Variants in RIMS1 observed in about 807,000 individuals in gnomAD.
RIMS1 encodes regulating synaptic membrane exocytosis protein 1.
A neutral mutation model predicts 214.1 loss-of-function variants in RIMS1; 83 were observed. The observed-to-expected ratio is 0.39, with a 90% CI of 0.32 to 0.47. The LOEUF (loss-of-function observed/expected upper bound fraction) is 0.47, where lower values mean the gene tolerates loss of function less well. RIMS1 is among the 20% of genes least tolerant of loss of function. RIMS1 has a pLI of 0.99. For synonymous variants in RIMS1, 793 were observed against 786.8 expected (o/e 1.01, Z -0.13); for missense variants, 2,050 against 2,161.8 (o/e 0.95, Z 1.03).
At chr6:71,937,747 C>T (rs1161711918) in intron 1 of RIMS1, among the ~76,000 whole-genome samples, 1 of 152,120 alleles carries the variant, frequency 6.6e-6, no homozygotes, top group Non-Finnish European at 1.5e-5. Context: ...TTAAAGGTCC[C>T]ACCTCTTAAT....
intron 1 of RIMS1, among the ~76,000 whole-genome samples, chr6:71,939,462 A>C (rs977841668): frequency 2.0e-5 from 3 of 152,212 alleles, no homozygotes; most frequent in African/African-American, 7.2e-5. Context: ...GCCCTCTTCC[A>C]GTACCAATTT....
At chr6:72,169,731 C>A (rs1002579467) in intron 4 of RIMS1, among the ~76,000 whole-genome samples, 5 of 152,066 alleles carry the variant, frequency 3.3e-5, no homozygotes, top group African/African-American at 1.2e-4. Flanking sequence ...TGGTGAAAGC[C>A]TGTCTCTACC....
intron 15 of RIMS1, among the ~76,000 whole-genome samples, chr6:72,252,110 T>A (rs1210933500): frequency 6.6e-6 from 1 of 152,182 alleles, no homozygotes; most frequent in African/African-American, 2.4e-5. Context: ...GAAAAGCTAT[T>A]TTTTTCTGTA....
At chr6:72,110,679 T>G (rs900975097) in intron 4 of RIMS1, among the ~76,000 whole-genome samples, 1 of 151,518 alleles carries the variant, frequency 6.6e-6, no homozygotes, top group Admixed American at 6.6e-5. Context: ...CTTTTCCTAA[T>G]TGAATACCCT....
intron 2 of RIMS1, among the ~76,000 whole-genome samples, chr6:71,978,846 GA>G (rs999124073): frequency 2.6e-5 from 4 of 151,638 alleles, no homozygotes; most frequent in Admixed American, 6.6e-5. Flanking sequence ...GTCCAACTAG[GA>G]AAAAAAATGT....
intron 5 of RIMS1, among the ~76,000 whole-genome samples, chr6:72,181,275 C>G (rs763350907): frequency 6.6e-6 from 1 of 152,068 alleles, no homozygotes; most frequent in Non-Finnish European, 1.5e-5. Context: ...AGCTACACAG[C>G]GTATAAGAGG....
chr6:72,012,017 AGAC>A (rs1277488059), intron 2 of RIMS1, among the ~76,000 whole-genome samples: 1 of 152,226 alleles, frequency 6.6e-6, no homozygotes, highest in Non-Finnish European at 1.5e-5. Flanking sequence ...GCTGCTATAA[AGAC>A]ACATGCACAC....
At chr6:72,235,506 T>A (rs969728129) in intron 7 of RIMS1, 112 bp from the exon 8 acceptor site, 1 of 651,190 alleles carries the variant, frequency 1.5e-6, no homozygotes, top group African/African-American at 1.8e-5. Flanking sequence ...CTTAACATAA[T>A]GTTCTGCAGT....
chr6:72,144,160 A>G (rs1281717837), intron 4 of RIMS1, among the ~76,000 whole-genome samples: 3 of 152,212 alleles, frequency 2.0e-5, no homozygotes, highest in East Asian at 3.9e-4. Context: ...TTCATTATGC[A>G]TCTATTAAGT....
At chr6:72,100,629 C>CACTATACACCTTCATTTGGTGTAAACT (rs2033313287) in intron 4 of RIMS1, among the ~76,000 whole-genome samples, 1 of 150,258 alleles carries the variant, frequency 6.7e-6, no homozygotes, top group African/African-American at 2.4e-5. Context: ...TTTGTATAAA[C>CACTATACACCTTCATTTGGTGTAAACT]ACTATACACC....
intron 2 of RIMS1, among the ~76,000 whole-genome samples, chr6:72,046,589 A>G (rs1024349309): frequency 3.9e-5 from 6 of 152,054 alleles, no homozygotes; most frequent in Admixed American, 3.9e-4. Flanking sequence ...TACCCATGTC[A>G]TTTCTATGGA....
Position 72,400,953 on chromosome 6 carries a change from TAACA to T in RIMS1, c.*242_*245del. The T allele has an allele frequency of 2.1e-6, 1 of 486,326 alleles. No individual in the cohort carries two copies. The highest frequency in any genetic ancestry group is 3.7e-6 in the Non-Finnish European group (1 of 270,856). 30.1% of individuals were successfully genotyped at this position (486,326 alleles called of 1,614,324 possible). On this transcript the variant is annotated 3_prime_UTR_variant, in exon 34 of 34. Coordinates refer to ENST00000521978, the MANE Select transcript of RIMS1 (RefSeq NM_014989.7). ...TGCTGGTGAGAGTCACTGATGCTTC[TAACA>T]AATAGAAAAAGAGGAAACTTTAAAT...
At chr6:71,955,824 T>C (rs1425896292) in intron 1 of RIMS1, among the ~76,000 whole-genome samples, 1 of 152,152 alleles carries the variant, frequency 6.6e-6, no homozygotes, top group Non-Finnish European at 1.5e-5. Flanking sequence ...AATTCTTAAC[T>C]ACTTAGTGTC....
intron 29 of RIMS1, among the ~76,000 whole-genome samples, chr6:72,373,778 T>C (rs2098290526): frequency 6.6e-6 from 1 of 152,214 alleles, no homozygotes; most frequent in Non-Finnish European, 1.5e-5. Context: ...GTTCTGAAGA[T>C]TGGTAAACCT....
intron 2 of RIMS1, among the ~76,000 whole-genome samples, chr6:72,008,633 A>G (rs960894982): frequency 2.6e-5 from 4 of 152,218 alleles, no homozygotes; most frequent in Admixed American, 6.5e-5. Context: ...AGGAAGATCT[A>G]CCAAGCAAAT....
chr6:72,114,630 T>G (rs1321941131), intron 4 of RIMS1, among the ~76,000 whole-genome samples: 1 of 151,982 alleles, frequency 6.6e-6, no homozygotes, highest in Admixed American at 6.6e-5. Flanking sequence ...GCCTTTATAG[T>G]GCTGAAAGTA....
intron 2 of RIMS1, among the ~76,000 whole-genome samples, chr6:72,033,105 T>G (rs1156744768): frequency 2.0e-5 from 3 of 152,236 alleles, no homozygotes; most frequent in Non-Finnish European, 4.4e-5. Context: ...CAGGCTTGCC[T>G]GACCCTCCCG....
intron 1 of RIMS1, among the ~76,000 whole-genome samples, chr6:71,941,151 C>T (rs915813582): frequency 1.3e-5 from 2 of 151,520 alleles, no homozygotes; most frequent in South Asian, 2.1e-4. Context: ...CAGTACTCAC[C>T]GAATAAACCT....
intron 10 of RIMS1, among the ~76,000 whole-genome samples, chr6:72,244,766 A>C (rs1282124793): frequency 1.3e-5 from 2 of 151,932 alleles, no homozygotes; most frequent in African/African-American, 4.8e-5. Flanking sequence ...GGTTATGAGA[A>C]TTACTTTGCA....
Sources: gnomAD v4.1 joint callset for allele counts (sites outside exome capture counted in the v4.1 genomes callset) on GRCh38, gnomAD v4.1.1 for gene constraint, MANE v1.5 for transcripts, NCBI Gene and HGNC (gene_info 2026-07-23, HGNC 2026-07-21) for gene names.